The following PHETA1 variants were observed in gnomAD, a reference collection of about 807,000 sequenced individuals.
PHETA1 encodes sesquipedalian-1.
For synonymous variants in PHETA1, 155 were observed against 168.9 expected (o/e 0.92, Z 0.64); for missense variants, 348 against 373.5 (o/e 0.93, Z 0.56).
rs1248424986 is a variant in PHETA1, at chr12:111,363,527, G to A, written c.-36-64C>T. The A allele has an allele frequency of 6.5e-7, 1 of 1,539,664 alleles. No individual in the cohort carries two copies. The highest frequency in any genetic ancestry group is 8.7e-7 in the Non-Finnish European group (1 of 1,147,068). On this transcript the variant is annotated intron_variant, in intron 2 of 2. Transcript: ENST00000683047. This position sits in a 1 kb window ranked among gnomAD's most constrained non-coding sequence, Gnocchi z 7.4. ...GACGCTAGGTCACCCAGTGCCCCAA[G>A]GGGACCTTGCAGCCACTCTACATCC...
rs1203099727 is a variant in PHETA1 at position 111,361,246 on chromosome 12, A to T, written c.*1432T>A. 6.6e-6 allele frequency: 1 copy of T among 152,142 alleles called. No homozygotes were observed. The highest frequency in any genetic ancestry group is 1.9e-4 in the East Asian group (1 of 5,194). The allele number at this position is 152,142 out of a possible 1,614,324, so 9.4% of individuals were successfully genotyped here. On this transcript the variant is annotated 3_prime_UTR_variant, in exon 3 of 3. Coordinates refer to ENST00000683047, the MANE Select transcript of PHETA1 (RefSeq NM_144671.6). ...AAACATCAAGCTTTGTTGCCAGAGA[A>T]AAAAAAATGAACCCTAAGTATTTAA...
rs993673231 is a variant in PHETA1, at chr12:111,364,997, G to A, written c.-37+1116C>T. On this transcript the variant is annotated intron_variant, in intron 2 of 2. Transcript: ENST00000683047. ...GCTGACTTACAGGAAGGAGGGGCAG[G>A]GGGTCGACCCGTGCCATTTAGCATA... 3.3e-5 allele frequency among the ~76,000 whole-genome samples: 5 copies of A among 152,304 alleles called. No individual in the cohort carries two copies. The South Asian group carries it at 1.0e-3, about 32-fold the overall frequency.
intron 2 of PHETA1, among the ~76,000 whole-genome samples, chr12:111,365,388 A>AGACT (rs1294778897): frequency 1.3e-5 from 2 of 152,240 alleles, no homozygotes; most frequent in East Asian, 3.9e-4. Flanking sequence ...AGGCCCTGCC[A>AGACT]GACTACCTGT....
intron 2 of PHETA1, among the ~76,000 whole-genome samples, chr12:111,364,006 A>C (rs1031058655): frequency 1.3e-5 from 2 of 152,218 alleles, no homozygotes; most frequent in Admixed American, 6.5e-5. Context: ...TGGTTTGTTC[A>C]TCCATGAAAT....
In PHETA1 at chr12:111,363,800, A is replaced by T; in HGVS notation, c.-36-337T>A. The T allele has an allele frequency of 7.8e-7, 1 of 1,274,106 alleles. No individual in the cohort carries two copies. Among genetic ancestry groups the T allele is most frequent in the Non-Finnish European group, 1.0e-6 (1 of 965,846 alleles). The allele number at this position is 1,274,106 out of a possible 1,614,324, so 78.9% of individuals were successfully genotyped here. A position where few individuals can be genotyped will look rare whatever the true frequency, so the allele number is the denominator to read the frequency against. ...CTTAGGTCACAGGGACTGGCCTGGC[A>T]CCAGTGCAACAGATGAGGAAACAGA... is the stretch of plus-strand genomic sequence containing the variant. On this transcript the variant is annotated intron_variant, in intron 2 of 2. Coordinates refer to ENST00000683047, the MANE Select transcript of PHETA1 (RefSeq NM_144671.6). The surrounding 1 kb of genome is among the most constrained non-coding windows in gnomAD (Gnocchi z 7.4).
chr12:111,368,533 C>G lies in PHETA1; in HGVS notation c.-182+379G>C, dbSNP rs1484212310. ...AGCACCGCCGTCCAGACACAGGCAGCCCCCTTGTCCACGGCAGGGGCTGCT... is the reference window on the plus strand; with the variant it reads ...AGCACCGCCGTCCAGACACAGGCAGGCCCCTTGTCCACGGCAGGGGCTGCT... On this transcript the variant is annotated intron_variant, in intron 1 of 2. Transcript: ENST00000683047. This position sits in a 1 kb window ranked among gnomAD's most constrained non-coding sequence, Gnocchi z 5.0. 6.6e-5 allele frequency among the ~76,000 whole-genome samples: 10 copies of G among 152,348 alleles called. No homozygotes were observed. The highest frequency in any genetic ancestry group is 1.3e-4 in the Admixed American group (2 of 15,310).
intron 2 of PHETA1, among the ~76,000 whole-genome samples, chr12:111,365,326 TGGTGGAATGAGGTCAG>T (rs1323542118): frequency 1.3e-5 from 2 of 152,212 alleles, no homozygotes; most frequent in African/African-American, 2.4e-5. Context: ...TCTCAGAGCC[TGGTGGAATGAGGTCAG>T]GGTGGTGGCT....
chr12:111,365,724 G>A, intron 2 of PHETA1: 1 of 303,808 alleles, frequency 3.3e-6, no homozygotes, highest in Non-Finnish European at 6.4e-6. Flanking sequence ...GAGACACATG[G>A]ACACAGGGAG....
Position 111,361,586 on chromosome 12 carries a change from G to A in PHETA1, c.*1092C>T, listed in dbSNP as rs1459048392. The A allele has an allele frequency of 2.3e-5, 6 of 266,414 alleles. No homozygotes were observed. Among genetic ancestry groups the A allele is most frequent in the East Asian group, 1.0e-4 (1 of 9,940 alleles). 16.5% of individuals were successfully genotyped at this position (266,414 alleles called of 1,614,324 possible). A position where few individuals can be genotyped will look rare whatever the true frequency, so the allele number is the denominator to read the frequency against. On this transcript the variant is annotated 3_prime_UTR_variant, in exon 3 of 3. Coordinates refer to ENST00000683047, the MANE Select transcript of PHETA1 (RefSeq NM_144671.6). ...TGTGGTGAGAAGAAAGGGGACCGGC[G>A]GTCAGCCCCGAAGCCAAGCAAGACC...
In PHETA1 at chr12:111,361,582, C is replaced by A. The variant is rs1868604032; in HGVS notation, c.*1096G>T. 1 of 268,452 alleles carries A rather than the reference C, an allele frequency of 3.7e-6. No individual in the cohort carries two copies. The highest frequency in any genetic ancestry group is 2.2e-5 in the African/African-American group (1 of 45,152). 16.6% of individuals were successfully genotyped at this position (268,452 alleles called of 1,614,324 possible). A position where few individuals can be genotyped will look rare whatever the true frequency, so the allele number is the denominator to read the frequency against. On this transcript the variant is annotated 3_prime_UTR_variant, in exon 3 of 3. Transcript: ENST00000683047. Reference sequence around the variant, plus strand: ...GCACTGTGGTGAGAAGAAAGGGGACCGGCGGTCAGCCCCGAAGCCAAGCAA... The same window carrying A: ...GCACTGTGGTGAGAAGAAAGGGGACAGGCGGTCAGCCCCGAAGCCAAGCAA...
In PHETA1 at chr12:111,362,632, G is replaced by A. The variant is rs778494303; in HGVS notation, c.*46C>T. 105 of 1,548,182 alleles carry A rather than the reference G, an allele frequency of 6.8e-5. No homozygotes were observed. In the African/African-American group the frequency reaches 1.3e-3, roughly 19 times the overall value. ...TCTCTCCAGGACCCGGCCTGTCCCA[G>A]AGGGCATAGAGCTTGTGTCCCCCTA... On this transcript the variant is annotated 3_prime_UTR_variant, in exon 3 of 3. Transcript: ENST00000683047.
chr12:111,363,130 C>T lies in PHETA1; in HGVS notation c.298G>A (p.Ala100Thr), dbSNP rs747083155. ...TYVLAAESQD[A>T]MEGWVKALSR... ...AGGGCCTTGACCCAGCCCTCCATGG[C>T]ATCCTGACTCTCAGCGGCCAGCACG... The change falls in exon 3 of 3, where the codon GCC becomes ACC. Residue 100 changes from alanine to threonine, a missense_variant. Physicochemically the swap from Ala to Thr is moderately conservative, Grantham distance 58. Coordinates refer to ENST00000683047, the MANE Select transcript of PHETA1 (RefSeq NM_144671.6). The surrounding 1 kb of genome is among the most constrained non-coding windows in gnomAD (Gnocchi z 7.4). The T allele has an allele frequency of 1.9e-6, 3 of 1,608,640 alleles. No individual in the cohort carries two copies. The highest frequency in any genetic ancestry group is 1.6e-4 in the Middle Eastern group (1 of 6,082).
rs74517507 is a variant in PHETA1, at chr12:111,368,101, A to G, written c.-182+811T>C. On this transcript the variant is annotated intron_variant, in intron 1 of 2. Coordinates refer to ENST00000683047, the MANE Select transcript of PHETA1 (RefSeq NM_144671.6). The surrounding 1 kb of genome is among the most constrained non-coding windows in gnomAD (Gnocchi z 5.0). ...GCAAATATTAGCTGCTGTGAGTCGG[A>G]GTTTTTTCTCAGCCTCATCTGCAAA... 0.021 allele frequency among the ~76,000 whole-genome samples: 3,128 copies of G among 152,306 alleles called. 111 individuals are homozygous for G. Among genetic ancestry groups the G allele is most frequent in the African/African-American group, 0.072 (2,998 of 41,550 alleles).
chr12:111,365,462 T>A, intron 2 of PHETA1: 1 of 455,904 alleles, frequency 2.2e-6, no homozygotes, highest in Non-Finnish European at 4.4e-6. Flanking sequence ...AGGGAAGGCT[T>A]CCTAGAAGAC....
chr12:111,363,464 C>T lies in PHETA1; in HGVS notation c.-36-1G>A, dbSNP rs754805950. ...CGGGGCCTGGAGGGGAGCCTGGGGC[C>T]TGGACCCCATAGAAGGGCTGTTATG... On this transcript the variant is annotated splice_acceptor_variant, in intron 2 of 2. Coordinates refer to ENST00000683047, the MANE Select transcript of PHETA1 (RefSeq NM_144671.6). LOFTEE classifies it low-confidence loss of function (5UTR_SPLICE). The surrounding 1 kb of genome is among the most constrained non-coding windows in gnomAD (Gnocchi z 7.4). 6.3e-7 allele frequency: 1 copy of T among 1,594,724 alleles called. No individual in the cohort carries two copies. Among genetic ancestry groups the T allele is most frequent in the South Asian group, 1.1e-5 (1 of 88,998 alleles).
Position 111,362,592 on chromosome 12 carries a change from G to T in PHETA1, c.*86C>A. On this transcript the variant is annotated 3_prime_UTR_variant, in exon 3 of 3. Coordinates refer to ENST00000683047, the MANE Select transcript of PHETA1 (RefSeq NM_144671.6). ...CAGCCTTGCCCATGATTTCCCTCAG[G>T]ATCTGCTCCCCCAGTCTCTCCAGGA... 1 of 1,542,176 alleles carries T rather than the reference G, an allele frequency of 6.5e-7. No homozygotes were observed. Among genetic ancestry groups the T allele is most frequent in the Non-Finnish European group, 8.7e-7 (1 of 1,146,600 alleles).
intron 2 of PHETA1, among the ~76,000 whole-genome samples, chr12:111,365,848 C>G (rs571834407): frequency 2.1e-3 from 322 of 152,174 alleles, no homozygotes; most frequent in African/African-American, 7.4e-3. Context: ...ATGTGACAAG[C>G]CTGCATGTTC....
chr12:111,363,668 A>G lies in PHETA1; in HGVS notation c.-36-205T>C. On this transcript the variant is annotated intron_variant, in intron 2 of 2. Coordinates refer to ENST00000683047, the MANE Select transcript of PHETA1 (RefSeq NM_144671.6). This position sits in a 1 kb window ranked among gnomAD's most constrained non-coding sequence, Gnocchi z 7.4. The stretch of plus-strand genomic sequence containing the variant: ...ACCTGGGTCTCACGGGCCTCCCCAG[A>G]CAGCCTCATAACCTCCTACCCTCCT... 6.5e-7 allele frequency: 1 copy of G among 1,533,654 alleles called. No homozygotes were observed. The highest frequency in any genetic ancestry group is 8.7e-7 in the Non-Finnish European group (1 of 1,145,872).
chr12:111,362,992 G>A lies in PHETA1; in HGVS notation c.436C>T (p.Leu146=), dbSNP rs186953579. ...MALPQPQPQS[L]PLPPSLPSAL... ...GAGGGCAGGGACGGGGGCAAGGGCA[G>A]GGACTGGGGCTGGGGCTGGGGCAGG... The change falls in exon 3 of 3, where the codon CTG becomes TTG. Residue 146 remains leucine, a synonymous_variant. Coordinates refer to ENST00000683047, the MANE Select transcript of PHETA1 (RefSeq NM_144671.6). 3,775 of 1,491,906 alleles carry A rather than the reference G, an allele frequency of 2.5e-3. 68 individuals carry two copies. The African/African-American group carries it at 0.045, about 18-fold the overall frequency. 92.4% of individuals were successfully genotyped at this position (1,491,906 alleles called of 1,614,324 possible).
Sources: allele counts gnomAD v4.1 joint callset (sites outside exome capture counted in the v4.1 genomes callset), GRCh38; gene constraint gnomAD v4.1.1; non-coding constraint Gnocchi (gnomAD v3.1); transcripts MANE v1.5; gene names NCBI Gene and HGNC (gene_info 2026-07-23, HGNC 2026-07-21).